SNX25: variants seen among roughly 807,000 people sequenced by gnomAD.
SNX25 encodes sorting nexin-25.
SNX25 carries 62 observed loss-of-function variants against 113.7 expected under a neutral mutation model. That is an observed-to-expected ratio of 0.55 (90% CI 0.44 to 0.67). SNX25 has a LOEUF of 0.67. Among genes scored for constraint, SNX25 ranks in the 30% least tolerant of loss-of-function variants. The probability of loss-of-function intolerance (pLI) is 0.00; values close to 1 mark genes in which losing one functional copy is unlikely to be tolerated. For missense variants in SNX25, 1,014 were observed against 1,161.0 expected (o/e 0.87, Z 1.84); for synonymous variants, 421 against 436.2 (o/e 0.97, Z 0.43).
intron 1 of SNX25, among the ~76,000 whole-genome samples, chr4:185,245,263 T>G (rs910963269): frequency 6.6e-6 from 1 of 151,676 alleles, no homozygotes; most frequent in Admixed American, 6.6e-5. Context: ...AAAAATCCTC[T>G]TTTTAATGTA....
At chr4:185,306,854 T>G (rs542095332) in intron 6 of SNX25, among the ~76,000 whole-genome samples, 4 of 152,254 alleles carry the variant, frequency 2.6e-5, no homozygotes, top group Non-Finnish European at 5.9e-5. Context: ...TACATTTACC[T>G]TCATCCTCCC....
At chr4:185,240,972 G>A (rs2126460408) in intron 1 of SNX25, among the ~76,000 whole-genome samples, 1 of 150,836 alleles carries the variant, frequency 6.6e-6, no homozygotes, top group East Asian at 2.0e-4. Context: ...CGGCCGGGCA[G>A]AGACGCTCCT....
At chr4:185,327,621 GT>G (rs2095165626) in intron 9 of SNX25, among the ~76,000 whole-genome samples, 1 of 152,186 alleles carries the variant, frequency 6.6e-6, no homozygotes, top group Admixed American at 6.5e-5. Context: ...GGCCTTATCT[GT>G]TTTTGTTTAT....
At chr4:185,348,486 G>C (rs1020392936) in intron 13 of SNX25, among the ~76,000 whole-genome samples, 1 of 151,922 alleles carries the variant, frequency 6.6e-6, no homozygotes, top group African/African-American at 2.4e-5. Context: ...TCCGCCACCT[G>C]GGTTCAAGCA....
At chr4:185,331,416 T>C (rs2095194162) in intron 9 of SNX25, among the ~76,000 whole-genome samples, 1 of 152,204 alleles carries the variant, frequency 6.6e-6, no homozygotes, top group African/African-American at 2.4e-5. Flanking sequence ...GAAGGCAGAA[T>C]ACCCATTCAA....
rs891291688 is a variant in SNX25, at chr4:185,210,165, C to T, written c.339C>T (p.Leu113=). 5 of 984,282 alleles carry T rather than the reference C, an allele frequency of 5.1e-6. No homozygotes were observed. The highest frequency in any genetic ancestry group is 4.7e-5 in the South Asian group (1 of 21,302). The allele number at this position is 984,282 out of a possible 1,614,324, so 61.0% of individuals were successfully genotyped here. A position where few individuals can be genotyped will look rare whatever the true frequency, so the allele number is the denominator to read the frequency against. ...AAFLLGILFA[L]VCRSPRAQPP... ...TCCTGCTGGGGATCCTGTTTGCCCT[C>T]GTCTGCCGGAGCCCGCGCGCCCAGC... Residue 113 remains leucine, a synonymous_variant, in exon 1 of 19, where the codon CTC becomes CTT. Transcript: ENST00000652585. The surrounding 1 kb of genome is among the most constrained non-coding windows in gnomAD (Gnocchi z 4.4).
intron 1 of SNX25, among the ~76,000 whole-genome samples, chr4:185,222,242 C>T (rs1445878590): frequency 1.8e-5 from 1 of 56,008 alleles, no homozygotes; most frequent in East Asian, 5.8e-4. Flanking sequence ...TATACCCCTC[C>T]TTCGCGGTAG....
In SNX25 at chr4:185,357,672, G is replaced by A. The variant is rs775345625; in HGVS notation, c.2586G>A (p.Met862Ile). ...LIGEIFELRG[M>I]FKWVRRTLIA... is the part of the protein sequence containing the mutation. ...GTTTTCCTCTGGTTTCTGTTTCAGT[G>A]TTTAAATGGGTGAGAAGAACATTAA... Residue 862 changes from methionine to isoleucine, a missense_variant and splice_region_variant, in exon 16 of 19, where the codon ATG (methionine) becomes ATA (isoleucine). Physicochemically the swap from Met to Ile is conservative, Grantham distance 10. Transcript: ENST00000652585. The A allele has an allele frequency of 2.5e-6, 4 of 1,613,898 alleles. No individual in the cohort carries two copies. The highest frequency in any genetic ancestry group is 3.4e-6 in the Non-Finnish European group (4 of 1,179,916).
At chr4:185,258,768 G>C in intron 2 of SNX25, 80 bp from the exon 3 acceptor site, 1 of 1,087,142 alleles carries the variant, frequency 9.2e-7, no homozygotes, top group South Asian at 1.4e-5. Context: ...AATAGTAGGT[G>C]GCCAGTTTCC....
At chr4:185,282,141 C>T (rs986075067) in intron 5 of SNX25, among the ~76,000 whole-genome samples, 1 of 152,038 alleles carries the variant, frequency 6.6e-6, no homozygotes, top group African/African-American at 2.4e-5. Flanking sequence ...CATCGCATAC[C>T]TGAGACTAAG....
At chr4:185,279,287 C>T (rs975492230) in intron 5 of SNX25, among the ~76,000 whole-genome samples, 5 of 152,084 alleles carry the variant, frequency 3.3e-5, no homozygotes, top group Non-Finnish European at 5.9e-5. Flanking sequence ...GTTGTAGGTA[C>T]GTGGAGATGG....
intron 6 of SNX25, among the ~76,000 whole-genome samples, chr4:185,305,077 A>G (rs1050071594): frequency 2.0e-5 from 3 of 152,116 alleles, no homozygotes; most frequent in Admixed American, 1.3e-4. Context: ...AAGTGGGGCC[A>G]GGTGGAGGGT....
chr4:185,369,558 T>C (rs1435992163), intron 11 of SNX25, among the ~76,000 whole-genome samples: 1 of 152,174 alleles, frequency 6.6e-6, no homozygotes, highest in Non-Finnish European at 1.5e-5. Flanking sequence ...CAGAGAACAT[T>C]TAAATGAAAA....
At chr4:185,302,425 C>T (rs1473621134) in intron 6 of SNX25, among the ~76,000 whole-genome samples, 1 of 152,086 alleles carries the variant, frequency 6.6e-6, no homozygotes, top group African/African-American at 2.4e-5. Context: ...TGGGATCTGG[C>T]ACTGTCTTTA....
chr4:185,279,624 C>G (rs1017274855), intron 5 of SNX25, among the ~76,000 whole-genome samples: 1 of 152,086 alleles, frequency 6.6e-6, no homozygotes, highest in Non-Finnish European at 1.5e-5. Context: ...GACATAAACC[C>G]TAAAATGAGA....
At chr4:185,211,460 GTC>G (rs75771796) in intron 1 of SNX25, among the ~76,000 whole-genome samples, 3,014 of 152,280 alleles carry the variant, frequency 0.02, 51 homozygotes, top group Middle Eastern at 0.061. Context: ...GAGCAGATAT[GTC>G]TCTCCTCTTT....
chr4:185,279,981 C>T (rs900538532), intron 5 of SNX25, among the ~76,000 whole-genome samples: 2 of 151,954 alleles, frequency 1.3e-5, no homozygotes, highest in South Asian at 2.1e-4. Flanking sequence ...AGTGCAGTGG[C>T]GCGATCACAG....
At chr4:185,244,665 T>C (rs1744571256) in intron 1 of SNX25, among the ~76,000 whole-genome samples, 1 of 152,218 alleles carries the variant, frequency 6.6e-6, no homozygotes, top group Non-Finnish European at 1.5e-5. Flanking sequence ...TGTCTTTGTC[T>C]ATATATGATT....
intron 13 of SNX25, 92 bp from the exon 14 acceptor site, chr4:185,351,353 G>T: frequency 7.4e-7 from 1 of 1,359,542 alleles, no homozygotes; most frequent in Non-Finnish European, 1.0e-6. Flanking sequence ...AAGTAAATTC[G>T]TGACAGCTCT....
Sources: allele counts gnomAD v4.1 joint callset (sites outside exome capture counted in the v4.1 genomes callset), GRCh38; gene constraint gnomAD v4.1.1; non-coding constraint Gnocchi (gnomAD v3.1); transcripts MANE v1.5; gene names NCBI Gene and HGNC (gene_info 2026-07-23, HGNC 2026-07-21).